Variants in CHL1 observed in about 807,000 individuals in gnomAD.
CHL1 encodes cell adhesion molecule L1 like.
Under a neutral mutation model 141.9 loss-of-function variants are expected in CHL1, and 96 were observed. That is an observed-to-expected ratio of 0.68 (90% CI 0.57 to 0.80). The LOEUF (loss-of-function observed/expected upper bound fraction) is 0.80. CHL1 is among the 30% of genes least tolerant of loss of function. CHL1 has a pLI of 0.00. For missense variants in CHL1, 1,820 were observed against 1,457.2 expected (o/e 1.25, Z -4.05); for synonymous variants, 613 against 502.2 (o/e 1.22, Z -2.95).
chr3:372,039 T>C (rs890499771), intron 15 of CHL1, among the ~76,000 whole-genome samples: 3 of 152,218 alleles, frequency 2.0e-5, no homozygotes, highest in Non-Finnish European at 4.4e-5. Context: ...GCCCTGAGCA[T>C]TTTTTCCTTC....
intron 2 of CHL1, among the ~76,000 whole-genome samples, chr3:282,994 T>A (rs1007873149): frequency 2.0e-5 from 3 of 152,208 alleles, no homozygotes; most frequent in African/African-American, 7.2e-5. Context: ...GGGCATCTGG[T>A]GGTTTTCTAA....
rs572873009 is a variant in CHL1, at chr3:239,760, A to G, written c.-174-4853A>G. On this transcript the variant is annotated intron_variant, in intron 1 of 27. Coordinates refer to ENST00000256509, the MANE Select transcript of CHL1 (RefSeq NM_006614.4). Reference sequence around the variant, plus strand: ...GTCTTTTATCCCTCACCCCACTCCCACCCTTTCCCCCAAGTCCCCAAAGTC... The same window carrying G: ...GTCTTTTATCCCTCACCCCACTCCCGCCCTTTCCCCCAAGTCCCCAAAGTC... 2.6e-3 allele frequency among the ~76,000 whole-genome samples: 386 copies of G among 150,906 alleles called. 2 individuals carry two copies. Among genetic ancestry groups the G allele is most frequent in the Non-Finnish European group, 2.6e-3 (179 of 67,764 alleles).
Position 394,693 on chromosome 3 carries a change from T to A in CHL1, c.2915T>A (p.Ile972Lys). 1 of 1,600,768 alleles carries A rather than the reference T, an allele frequency of 6.2e-7. No individual in the cohort carries two copies. Among genetic ancestry groups the A allele is most frequent in the African/African-American group, 1.3e-5 (1 of 74,160 alleles). ...CTGTTGTTCATGTTTATTTTTTTAG[T>A]AAATGACACCTACGAGATTGGAGAA... ...LTGYLLQYQIINDTYEIGELN... is the reference protein window; with the variant it reads ...LTGYLLQYQIKNDTYEIGELN... Residue 972 changes from isoleucine (I) to lysine (K), a missense_variant and splice_region_variant, in exon 24 of 28, where the codon ATA becomes AAA. By Grantham distance (102) the Ile-to-Lys change is moderately radical. Coordinates refer to ENST00000256509, the MANE Select transcript of CHL1 (RefSeq NM_006614.4).
chr3:272,758 G>A (rs1695748122), intron 2 of CHL1, among the ~76,000 whole-genome samples: 1 of 152,168 alleles, frequency 6.6e-6, no homozygotes, highest in African/African-American at 2.4e-5. Flanking sequence ...TGACTCCTTG[G>A]CACTTGCTCC....
At chr3:275,689 G>C (rs891073690) in intron 2 of CHL1, among the ~76,000 whole-genome samples, 6 of 152,124 alleles carry the variant, frequency 3.9e-5, no homozygotes, top group Non-Finnish European at 8.8e-5. Flanking sequence ...ATATTCATGA[G>C]AATTTTGAAT....
At chr3:274,665 C>T (rs1695932936) in intron 2 of CHL1, among the ~76,000 whole-genome samples, 1 of 152,156 alleles carries the variant, frequency 6.6e-6, no homozygotes, top group Non-Finnish European at 1.5e-5. Flanking sequence ...CAGTGTGATG[C>T]TCAAAGTGTA....
intron 12 of CHL1, 73 bp from the exon 13 acceptor site, chr3:361,626 A>T (rs1346649390): frequency 3.0e-6 from 3 of 984,800 alleles, no homozygotes; most frequent in Admixed American, 1.7e-5. Flanking sequence ...TATGACTAGG[A>T]CATAGAAAAA....
chr3:220,170 C>T (rs1194132819), intron 1 of CHL1, among the ~76,000 whole-genome samples: 2 of 152,120 alleles, frequency 1.3e-5, no homozygotes, highest in Non-Finnish European at 2.9e-5. Context: ...TGGTTGACGA[C>T]TGACATGATG....
chr3:198,048 T>C (rs1283602127), intron 1 of CHL1: 2 of 300,448 alleles, frequency 6.7e-6, no homozygotes, highest in South Asian at 2.6e-5. Context: ...GGGGAACTCC[T>C]GCGAAAAACC....
rs11923863 is a variant in CHL1, at chr3:299,702, C to G, written c.-94-19981C>G. Among the ~76,000 whole-genome samples, 498 of 152,294 alleles carry G rather than the reference C, an allele frequency of 3.3e-3. 6 individuals are homozygous for G. The highest frequency in any genetic ancestry group is 0.011 in the African/African-American group (473 of 41,560). On this transcript the variant is annotated intron_variant, in intron 2 of 27. Coordinates refer to ENST00000256509, the MANE Select transcript of CHL1 (RefSeq NM_006614.4). ...TGCAAACCCATCCCTCTCCATGACC[C>G]TGTGTGAGCTCCCCTAGGCTTCGAA...
intron 1 of CHL1, among the ~76,000 whole-genome samples, chr3:215,122 G>A (rs981401859): frequency 6.6e-6 from 1 of 152,090 alleles, no homozygotes; most frequent in Non-Finnish European, 1.5e-5. Flanking sequence ...TTCCCATGTT[G>A]ATTGCAGCAT....
intron 1 of CHL1, among the ~76,000 whole-genome samples, chr3:226,491 G>A (rs945048547): frequency 7.3e-5 from 11 of 149,848 alleles, no homozygotes; most frequent in Non-Finnish European, 1.6e-4. Context: ...GCCCAGGCTG[G>A]GGTGCAATGG....
At chr3:232,929 C>G (rs1488097578) in intron 1 of CHL1, among the ~76,000 whole-genome samples, 7 of 152,066 alleles carry the variant, frequency 4.6e-5, no homozygotes, top group Admixed American at 4.6e-4. Context: ...CCAGGGAGCA[C>G]TTAAAATTTG....
chr3:242,675 C>G (rs1360069149), intron 1 of CHL1, among the ~76,000 whole-genome samples: 5 of 83,962 alleles, frequency 6.0e-5, no homozygotes, highest in Non-Finnish European at 1.6e-4. Flanking sequence ...AGAACACATG[C>G]ACACAAACAC....
intron 4 of CHL1, 145 bp downstream of exon 4, chr3:326,209 C>CA (rs34362207): frequency 3.3e-3 from 1,512 of 452,080 alleles, no homozygotes; most frequent in South Asian, 5.8e-3. Context: ...TCCATGCAAA[C>CA]AAAAAAAAAA....
intron 1 of CHL1, among the ~76,000 whole-genome samples, chr3:232,307 T>C (rs1413364795): frequency 6.6e-6 from 1 of 152,178 alleles, no homozygotes; most frequent in Non-Finnish European, 1.5e-5. Context: ...TTGTACTAAG[T>C]TATTTTTATT....
intron 18 of CHL1, among the ~76,000 whole-genome samples, chr3:382,896 A>C (rs1364625766): frequency 6.6e-6 from 1 of 152,228 alleles, no homozygotes; most frequent in Non-Finnish European, 1.5e-5. Context: ...ATATGAAAAA[A>C]AAACATTACT....
At position 391,813 on chromosome 3, in the gene CHL1, A is replaced by C. The variant is rs761368366; in HGVS notation, c.2914+16A>C. On this transcript the variant is annotated intron_variant, in intron 23 of 27. Transcript: ENST00000256509. ...TATCAGATAAGTAAGTAGAAATTTGAATTGGAGTTAACTTGTTAATGTTTC... is the reference window on the plus strand; with the variant it reads ...TATCAGATAAGTAAGTAGAAATTTGCATTGGAGTTAACTTGTTAATGTTTC... 6.4e-7 allele frequency: 1 copy of C among 1,567,208 alleles called. No individual in the cohort carries two copies. The highest frequency in any genetic ancestry group is 2.3e-5 in the East Asian group (1 of 44,352).
intron 15 of CHL1, chr3:376,445 C>G (rs773195933): frequency 9.8e-6 from 5 of 511,672 alleles, no homozygotes; most frequent in African/African-American, 9.7e-5. Flanking sequence ...CCATACCTAC[C>G]ACATTTCGAG....
Sources: gnomAD v4.1 joint callset for allele counts (sites outside exome capture counted in the v4.1 genomes callset) on GRCh38, gnomAD v4.1.1 for gene constraint, MANE v1.5 for transcripts, NCBI Gene and HGNC (gene_info 2026-07-23, HGNC 2026-07-21) for gene names.